RBFOX1: variants seen among roughly 807,000 people sequenced by gnomAD.
RBFOX1 encodes the protein RNA binding protein fox-1 homolog 1.
In RBFOX1, 8 loss-of-function variants were observed where a neutral mutation model predicts 57.7. That is an observed-to-expected ratio of 0.14 (90% confidence interval 0.08 to 0.25). The LOEUF (loss-of-function observed/expected upper bound fraction) is 0.25. Ranked by LOEUF, RBFOX1 falls within the 10% of genes least tolerant of loss-of-function variation. The pLI is 1.00. For synonymous variants in RBFOX1, 326 were observed against 222.4 expected (o/e 1.47, Z -4.15); for missense variants, 611 against 548.5 (o/e 1.11, Z -1.14).
chr16:6,864,820 G>T (rs1463573037), intron 3 of RBFOX1, among the ~76,000 whole-genome samples: 2 of 151,654 alleles, frequency 1.3e-5, no homozygotes, highest in Non-Finnish European at 2.9e-5. Context: ...TGCTACTTGG[G>T]TATTTTGTTG....
At chr16:7,224,171 ACTCACTCAG>A (rs1365525377) in intron 4 of RBFOX1, among the ~76,000 whole-genome samples, 4 of 142,696 alleles carry the variant, frequency 2.8e-5, no homozygotes, top group African/African-American at 5.1e-5. Flanking sequence ...CAGTTGAGGA[ACTCACTCAG>A]CTCACTCAGT....
At chr16:6,762,741 A>G (rs1392109259) in intron 3 of RBFOX1, among the ~76,000 whole-genome samples, 2 of 152,028 alleles carry the variant, frequency 1.3e-5, no homozygotes, top group African/African-American at 2.4e-5. Context: ...AAAAATAGTA[A>G]GGTAAAGAGC....
chr16:5,720,071 C>G (rs1189240765), intron 3 of RBFOX1, among the ~76,000 whole-genome samples: 1 of 152,082 alleles, frequency 6.6e-6, no homozygotes, highest in Admixed American at 6.5e-5. Context: ...CACATCCTCA[C>G]CAACACTTGG....
intron 2 of RBFOX1, among the ~76,000 whole-genome samples, chr16:6,593,138 G>C (rs1448009427): frequency 6.6e-6 from 1 of 152,180 alleles, no homozygotes; most frequent in African/African-American, 2.4e-5. Flanking sequence ...GTTGCAGTGG[G>C]CTGAGATGGC....
intron 4 of RBFOX1, among the ~76,000 whole-genome samples, chr16:7,308,037 A>T (rs1298411550): frequency 6.6e-6 from 1 of 152,238 alleles, no homozygotes; most frequent in East Asian, 1.9e-4. Context: ...ATACAATTCC[A>T]CATTAGGGGG....
At chr16:5,291,017 A>G (rs1349281126) in intron 1 of RBFOX1, among the ~76,000 whole-genome samples, 1 of 152,164 alleles carries the variant, frequency 6.6e-6, no homozygotes, top group Non-Finnish European at 1.5e-5. Context: ...AGGGACTTTC[A>G]AGAAGTTTGT....
At chr16:6,132,190 T>G (rs2096634569) in intron 1 of RBFOX1, among the ~76,000 whole-genome samples, 1 of 152,196 alleles carries the variant, frequency 6.6e-6, no homozygotes, top group African/African-American at 2.4e-5. Flanking sequence ...CTTTAAGATT[T>G]CACGATCATG....
intron 3 of RBFOX1, among the ~76,000 whole-genome samples, chr16:5,843,456 G>A (rs1354425778): frequency 6.6e-6 from 1 of 152,142 alleles, no homozygotes; most frequent in Non-Finnish European, 1.5e-5. Flanking sequence ...TTCCAACAAA[G>A]GACATGATCT....
chr16:7,630,553 G>A (rs1466758621), intron 10 of RBFOX1, 50 bp from the exon 11 acceptor site: 4 of 1,610,190 alleles, frequency 2.5e-6, no homozygotes, highest in African/African-American at 2.7e-5. Context: ...TCTCTCAGGT[G>A]TAGTGTACCG....
chr16:7,658,757 C>T (rs1174756445), intron 12 of RBFOX1, among the ~76,000 whole-genome samples: 1 of 152,176 alleles, frequency 6.6e-6, no homozygotes, highest in Non-Finnish European at 1.5e-5. Context: ...TGGAGTCTTG[C>T]TCTGTCACCC....
At position 7,000,601 on chromosome 16, in the gene RBFOX1, T is replaced by TTC. The variant is rs1464276060; in HGVS notation, c.-15-51455_-15-51454insCT. Among the ~76,000 whole-genome samples, 274 of 128,980 alleles carry TTC rather than the reference T, an allele frequency of 2.1e-3. 3 individuals carry two copies. The highest frequency in any genetic ancestry group is 5.9e-3 in the African/African-American group (189 of 32,038). 84.6% of individuals were successfully genotyped at this position (128,980 alleles called of 152,430 possible). A position where few individuals can be genotyped will look rare whatever the true frequency, so the allele number is the denominator to read the frequency against. On this transcript the variant is annotated intron_variant, in intron 3 of 15. Transcript: ENST00000550418. ...TTTTTTCTTTCTTTTTCTTTCTTTT[T>TTC]TTTTTTTTTTTTTTTTGAGACAGAG...
At chr16:5,790,052 C>T (rs1597263028) in intron 3 of RBFOX1, among the ~76,000 whole-genome samples, 1 of 152,332 alleles carries the variant, frequency 6.6e-6, no homozygotes, top group South Asian at 2.1e-4. Flanking sequence ...TGGCACCCAA[C>T]CCTTGTGGTT....
At chr16:7,176,070 C>T (rs2081588536) in intron 4 of RBFOX1, among the ~76,000 whole-genome samples, 2 of 151,820 alleles carry the variant, frequency 1.3e-5, no homozygotes, top group East Asian at 3.9e-4. Context: ...TAGCAGTCTC[C>T]ACTCACAGAC....
chr16:6,899,254 C>G (rs115097230), intron 3 of RBFOX1, among the ~76,000 whole-genome samples: 3 of 151,714 alleles, frequency 2.0e-5, no homozygotes, highest in Admixed American at 1.3e-4. Context: ...TGTTTGCGTG[C>G]ATGTGTGTAT....
chr16:7,428,494 TTTATTATTA>T (rs71147697), intron 4 of RBFOX1, among the ~76,000 whole-genome samples: 659 of 128,706 alleles, frequency 5.1e-3, no homozygotes, highest in African/African-American at 7.7e-3. Flanking sequence ...TCCTGGCTAT[TTTATTATTA>T]TTATTATTAT....
chr16:6,779,829 TTTTATATATTTATA>T (rs2080132709), intron 3 of RBFOX1, among the ~76,000 whole-genome samples: 2 of 3,906 alleles, frequency 5.1e-4, no homozygotes, highest in South Asian at 0.016. Flanking sequence ...TTATATATAT[TTTTATATATTTATA>T]TATATATTTA....
intron 3 of RBFOX1, among the ~76,000 whole-genome samples, chr16:6,656,937 C>CCTCTCCTCCCCTCTT (rs2098659972): frequency 7.9e-6 from 1 of 126,582 alleles, no homozygotes; most frequent in African/African-American, 3.1e-5. Context: ...CCTCCCCTCT[C>CCTCTCCTCCCCTCTT]CTCCCCTTTC....
chr16:6,594,601 TTTA>T (rs1702694124), intron 2 of RBFOX1, among the ~76,000 whole-genome samples: 1 of 152,136 alleles, frequency 6.6e-6, no homozygotes, highest in African/African-American at 2.4e-5. Context: ...GGGCAACTAG[TTTA>T]TTATTTAAAC....
chr16:5,346,738 C>T (rs926374857), intron 1 of RBFOX1, among the ~76,000 whole-genome samples: 4 of 152,076 alleles, frequency 2.6e-5, no homozygotes, highest in African/African-American at 7.2e-5. Flanking sequence ...AAGGATGTAA[C>T]GGTTAAGAGC....
Sources: allele counts gnomAD v4.1 joint callset (sites outside exome capture counted in the v4.1 genomes callset), GRCh38; gene constraint gnomAD v4.1.1; transcripts MANE v1.5; gene names NCBI Gene and HGNC (gene_info 2026-07-23, HGNC 2026-07-21).